Variants in NPAS3 observed in about 807,000 individuals in gnomAD.
NPAS3 encodes the protein neuronal PAS domain protein 3.
In NPAS3, 14 loss-of-function variants were observed where a neutral mutation model predicts 73.1. That is an observed-to-expected ratio of 0.19 (90% confidence interval 0.13 to 0.30). The LOEUF (loss-of-function observed/expected upper bound fraction) is 0.30. Ranked by LOEUF, NPAS3 falls within the 10% of genes least tolerant of loss-of-function variation. The pLI is 1.00. For missense variants in NPAS3, 1,096 were observed against 1,250.0 expected (o/e 0.88, Z 1.86); for synonymous variants, 620 against 541.5 (o/e 1.14, Z -2.01).
chr14:33,308,566 T>C, intron 3 of NPAS3, among the ~76,000 whole-genome samples: 2 of 41,818 alleles, frequency 4.8e-5, no homozygotes, highest in African/African-American at 4.2e-4. Context: ...ATACATACAT[T>C]ATATATATGT....
intron 2 of NPAS3, among the ~76,000 whole-genome samples, chr14:33,072,775 T>G (rs1349202855): frequency 2.0e-5 from 3 of 152,156 alleles, no homozygotes; most frequent in Non-Finnish European, 4.4e-5. Context: ...AGCTGGCACT[T>G]TTAGGCCTTT....
chr14:33,269,937 T>G (rs970344863), intron 3 of NPAS3, among the ~76,000 whole-genome samples: 8 of 152,262 alleles, frequency 5.3e-5, no homozygotes, highest in Non-Finnish European at 1.0e-4. Flanking sequence ...TGGGGTCTGA[T>G]TCTCTGGAAG....
chr14:33,695,082 CT>C (rs1304005256), intron 6 of NPAS3, among the ~76,000 whole-genome samples: 3 of 152,200 alleles, frequency 2.0e-5, no homozygotes, highest in African/African-American at 7.2e-5. Flanking sequence ...CAAAAGGTTA[CT>C]TCTTGTCCTT....
chr14:33,075,201 T>C (rs1465897465), intron 2 of NPAS3, among the ~76,000 whole-genome samples: 2 of 152,170 alleles, frequency 1.3e-5, no homozygotes, highest in Non-Finnish European at 2.9e-5. Context: ...TTACAAATAA[T>C]GTTTGATTTC....
intron 1 of NPAS3, among the ~76,000 whole-genome samples, chr14:32,960,446 C>T (rs746135652): frequency 1.1e-4 from 17 of 152,218 alleles, no homozygotes; most frequent in Non-Finnish European, 2.1e-4. Context: ...CCTCTTCCAG[C>T]GCTTAATGGT....
chr14:33,096,744 C>A (rs919345993), intron 2 of NPAS3, among the ~76,000 whole-genome samples: 3 of 152,164 alleles, frequency 2.0e-5, no homozygotes, highest in African/African-American at 7.2e-5. Flanking sequence ...TCCGTTCCTG[C>A]AAGTATGTAT....
intron 2 of NPAS3, among the ~76,000 whole-genome samples, chr14:33,137,315 A>G (rs2139149880): frequency 6.6e-6 from 1 of 152,322 alleles, no homozygotes; most frequent in Non-Finnish European, 1.5e-5. Context: ...CTTAAATGTG[A>G]CTTTGATGTA....
At chr14:33,133,774 T>C (rs894719233) in intron 2 of NPAS3, among the ~76,000 whole-genome samples, 3 of 151,964 alleles carry the variant, frequency 2.0e-5, no homozygotes, top group Non-Finnish European at 4.4e-5. Flanking sequence ...TTCCTAGAGG[T>C]TTACAAGCTT....
At chr14:33,697,722 A>G (rs1416425807) in intron 6 of NPAS3, among the ~76,000 whole-genome samples, 1 of 152,216 alleles carries the variant, frequency 6.6e-6, no homozygotes, top group African/African-American at 2.4e-5. Flanking sequence ...CTAAAGAATT[A>G]TACATTCATG....
At chr14:33,648,363 T>A (rs2058894679) in intron 5 of NPAS3, among the ~76,000 whole-genome samples, 1 of 152,204 alleles carries the variant, frequency 6.6e-6, no homozygotes, top group African/African-American at 2.4e-5. Context: ...AAAAGTATAG[T>A]CTTCCAATTG....
intron 5 of NPAS3, among the ~76,000 whole-genome samples, chr14:33,644,538 T>C (rs550724068): frequency 8.5e-5 from 13 of 152,296 alleles, no homozygotes; most frequent in Admixed American, 4.6e-4. Flanking sequence ...TGTTTTCATT[T>C]TCTTCACAGC....
At chr14:33,294,112 A>G (rs955248594) in intron 3 of NPAS3, among the ~76,000 whole-genome samples, 3 of 152,316 alleles carry the variant, frequency 2.0e-5, no homozygotes, top group South Asian at 4.1e-4. Context: ...CTGCCTGGGT[A>G]GCTGGGATGG....
chr14:33,289,700 T>C (rs1375886621), intron 3 of NPAS3, among the ~76,000 whole-genome samples: 7 of 151,908 alleles, frequency 4.6e-5, no homozygotes, highest in African/African-American at 1.7e-4. Flanking sequence ...GGCATGACTG[T>C]AGACCCAGCT....
chr14:33,735,350 G>C lies in NPAS3; in HGVS notation c.852+18G>C, dbSNP rs758320179. The C allele has an allele frequency of 1.3e-6, 2 of 1,554,698 alleles. No homozygotes were observed. Among genetic ancestry groups the C allele is most frequent in the Non-Finnish European group, 1.8e-6 (2 of 1,126,116 alleles). ...GATATAAGGTAAGCCGGTTCCGGGA[G>C]GGGAGACATTGCTGTCTCAGGCCAG... On this transcript the variant is annotated intron_variant, in intron 7 of 11. Coordinates refer to ENST00000356141, the Ensembl canonical transcript of NPAS3.
chr14:33,465,809 A>G (rs2050484347), intron 4 of NPAS3, among the ~76,000 whole-genome samples: 1 of 152,176 alleles, frequency 6.6e-6, no homozygotes, highest in Non-Finnish European at 1.5e-5. Context: ...TATGGCATAT[A>G]TTAATTTTAT....
intron 5 of NPAS3, among the ~76,000 whole-genome samples, chr14:33,563,575 A>G (rs1266358006): frequency 6.5e-5 from 8 of 122,298 alleles, no homozygotes; most frequent in Admixed American, 6.2e-4. Context: ...GGAGAGATGT[A>G]TATATTTAAC....
chr14:33,147,730 A>AAAAAATATAT (rs372663411), intron 2 of NPAS3, among the ~76,000 whole-genome samples: 8 of 130,360 alleles, frequency 6.1e-5, no homozygotes, highest in African/African-American at 2.6e-4. Flanking sequence ...TAGAATAAAA[A>AAAAAATATAT]ATATATATAT....
intron 7 of NPAS3, among the ~76,000 whole-genome samples, chr14:33,763,033 T>C (rs2062346143): frequency 6.6e-6 from 1 of 152,192 alleles, no homozygotes; most frequent in Non-Finnish European, 1.5e-5. Context: ...TTAGGAGACC[T>C]CTTTTCTTCT....
intron 3 of NPAS3, among the ~76,000 whole-genome samples, chr14:33,238,668 T>C (rs987231524): frequency 3.9e-5 from 6 of 152,012 alleles, no homozygotes; most frequent in African/African-American, 1.4e-4. Flanking sequence ...AAACCAAGTT[T>C]AATTGAATCA....
Sources: gnomAD v4.1 joint callset for allele counts (sites outside exome capture counted in the v4.1 genomes callset) on GRCh38, gnomAD v4.1.1 for gene constraint, MANE v1.5 for transcripts, NCBI Gene and HGNC (gene_info 2026-07-23, HGNC 2026-07-21) for gene names.